Variants in CORO2B observed in about 807,000 individuals in gnomAD.
CORO2B encodes the protein coronin 2B.
Under a neutral mutation model 58.8 loss-of-function variants are expected in CORO2B, and 26 were observed. The ratio of observed to expected loss-of-function variants is 0.44; its 90% CI spans 0.32 to 0.61. The LOEUF is 0.61. CORO2B is among the 20% of genes least tolerant of loss of function. The pLI is 0.04. For missense variants in CORO2B, 460 were observed against 645.1 expected (o/e 0.71, Z 3.11); for synonymous variants, 242 against 253.8 (o/e 0.95, Z 0.44).
At chr15:68,642,532 C>A (rs1283396618) in intron 1 of CORO2B, among the ~76,000 whole-genome samples, 1 of 152,164 alleles carries the variant, frequency 6.6e-6, no homozygotes, top group Non-Finnish European at 1.5e-5. Flanking sequence ...AGGCTGGGCT[C>A]CCTTCATGGA....
chr15:68,611,848 T>C lies in CORO2B; in HGVS notation c.15+32571T>C, dbSNP rs1181632898. Reference sequence around the variant, plus strand: ...GTGCAGTGGCATGATCTCAGCTCACTGCAGCCTCAACCTCCCAGGCTCAAG... The same window carrying C: ...GTGCAGTGGCATGATCTCAGCTCACCGCAGCCTCAACCTCCCAGGCTCAAG... On this transcript the variant is annotated intron_variant, in intron 1 of 11. Transcript: ENST00000261861. Among the ~76,000 whole-genome samples the C allele has an allele frequency of 2.0e-5, 3 of 152,074 alleles. No individual in the cohort carries two copies. In the East Asian group the frequency reaches 5.8e-4, roughly 29 times the overall value.
intron 8 of CORO2B, among the ~76,000 whole-genome samples, chr15:68,715,805 G>T (rs1893019053): frequency 6.6e-6 from 1 of 152,148 alleles, no homozygotes; most frequent in African/African-American, 2.4e-5. Context: ...GAGGGCTCTG[G>T]GATTGACAGG....
chr15:68,648,090 T>C (rs1349792637), intron 2 of CORO2B, among the ~76,000 whole-genome samples: 3 of 150,772 alleles, frequency 2.0e-5, no homozygotes, highest in Non-Finnish European at 4.4e-5. Context: ...CCCAGCACTT[T>C]GGGAGGCCGA....
intron 3 of CORO2B, among the ~76,000 whole-genome samples, chr15:68,702,803 CT>C (rs1892683515): frequency 7.5e-6 from 1 of 132,812 alleles, no homozygotes; most frequent in South Asian, 2.5e-4. Flanking sequence ...GAAACCATAT[CT>C]TTTTCTTTTT....
chr15:68,659,731 C>T (rs1901951736), intron 2 of CORO2B, among the ~76,000 whole-genome samples: 1 of 152,144 alleles, frequency 6.6e-6, no homozygotes, highest in Non-Finnish European at 1.5e-5. Flanking sequence ...GTCAAGTGTT[C>T]AAGACCAGCC....
Position 68,726,073 on chromosome 15 carries a change from G to A in CORO2B, c.*99G>A. On this transcript the variant is annotated 3_prime_UTR_variant, in exon 12 of 12. Transcript: ENST00000261861. ...TGACCCCAGAGACAGAGCCAGGACA[G>A]GAGTGGGGGCCAGCCTGAGGACCCC... 3 of 1,513,364 alleles carry A rather than the reference G, an allele frequency of 2.0e-6. No individual in the cohort carries two copies. In the South Asian group the frequency reaches 3.6e-5, roughly 18 times the overall value. 93.7% of individuals were successfully genotyped at this position (1,513,364 alleles called of 1,614,324 possible).
the CORO2B span, among the ~76,000 whole-genome samples, chr15:68,547,374 A>G: frequency 6.6e-6 from 1 of 152,232 alleles, no homozygotes; most frequent in Non-Finnish European, 1.5e-5. Context: ...AAGAAAGTTT[A>G]TAGCACTGCT....
chr15:68,530,831 A>G, the CORO2B span, among the ~76,000 whole-genome samples: 9 of 152,188 alleles, frequency 5.9e-5, no homozygotes, highest in African/African-American at 9.7e-5. Context: ...CCTTTTACTT[A>G]GAAAATATGT....
intron 1 of CORO2B, among the ~76,000 whole-genome samples, chr15:68,592,276 C>G (rs1899726960): frequency 6.6e-6 from 1 of 152,138 alleles, no homozygotes; most frequent in African/African-American, 2.4e-5. Flanking sequence ...GGTGTAAATT[C>G]CAGCCCTTAG....
At chr15:68,595,647 G>C (rs1464475672) in intron 1 of CORO2B, among the ~76,000 whole-genome samples, 1 of 152,186 alleles carries the variant, frequency 6.6e-6, no homozygotes, top group African/African-American at 2.4e-5. Flanking sequence ...GTTAATAACA[G>C]TTATTATCAC....
chr15:68,619,813 T>C (rs1398527998), intron 1 of CORO2B, among the ~76,000 whole-genome samples: 1 of 152,160 alleles, frequency 6.6e-6, no homozygotes, highest in Non-Finnish European at 1.5e-5. Flanking sequence ...TAGGACCAGA[T>C]AAACTCTAGG....
In CORO2B at chr15:68,601,516, G is replaced by A. The variant is rs115221079; in HGVS notation, c.15+22239G>A. Among the ~76,000 whole-genome samples, 673 of 152,350 alleles carry A rather than the reference G, an allele frequency of 4.4e-3. 3 individuals carry two copies. The highest frequency in any genetic ancestry group is 0.015 in the African/African-American group (636 of 41,572). ...TTGCGGCCATGAGCGTGCAGTGCGA[G>A]GAGGGCTAGGATGAGGGTGCCTGTG... On this transcript the variant is annotated intron_variant, in intron 1 of 11. Transcript: ENST00000261861.
the CORO2B span, among the ~76,000 whole-genome samples, chr15:68,560,838 C>T: frequency 1.3e-5 from 2 of 152,310 alleles, no homozygotes; most frequent in African/African-American, 4.8e-5. Flanking sequence ...AGGGAAAAGC[C>T]TGCACAACCC....
At chr15:68,615,143 G>A (rs989183600) in intron 1 of CORO2B, among the ~76,000 whole-genome samples, 3 of 152,228 alleles carry the variant, frequency 2.0e-5, no homozygotes, top group African/African-American at 7.2e-5. Context: ...AGGACAGCCA[G>A]AGAAATGATC....
chr15:68,519,636 T>C, the CORO2B span, among the ~76,000 whole-genome samples: 1 of 152,246 alleles, frequency 6.6e-6, no homozygotes, highest in Non-Finnish European at 1.5e-5. Context: ...TTGATGATTT[T>C]CCTTTGTTGT....
At chr15:68,598,218 A>G (rs58973991) in intron 1 of CORO2B, among the ~76,000 whole-genome samples, 6,504 of 152,310 alleles carry the variant, frequency 0.043, 501 homozygotes, top group African/African-American at 0.15. Context: ...GAGGGCGGGC[A>G]GTCTGGCTGG....
intron 1 of CORO2B, among the ~76,000 whole-genome samples, chr15:68,627,958 C>T (rs1027214873): frequency 3.3e-5 from 5 of 152,018 alleles, no homozygotes; most frequent in African/African-American, 7.3e-5. Flanking sequence ...CTTCTGTACC[C>T]GAAATCTTCC....
At chr15:68,538,914 T>C in the CORO2B span, among the ~76,000 whole-genome samples, 1 of 152,138 alleles carries the variant, frequency 6.6e-6, no homozygotes, top group Non-Finnish European at 1.5e-5. Flanking sequence ...TTCTAAGAGG[T>C]CAGTTGGCTA....
upstream of CORO2B, among the ~76,000 whole-genome samples, chr15:68,578,148 A>G (rs1167337871): frequency 6.6e-6 from 1 of 152,204 alleles, no homozygotes; most frequent in African/African-American, 2.4e-5. This position sits in a 1 kb window ranked among gnomAD's most constrained non-coding sequence, Gnocchi z 4.2. Flanking sequence ...CAGCAGCTCC[A>G]GGACACACTG....
Sources: allele counts gnomAD v4.1 joint callset (sites outside exome capture counted in the v4.1 genomes callset), GRCh38; gene constraint gnomAD v4.1.1; non-coding constraint Gnocchi (gnomAD v3.1); transcripts MANE v1.5; gene names NCBI Gene and HGNC (gene_info 2026-07-23, HGNC 2026-07-21).